PCDH15: variants seen among roughly 807,000 people sequenced by gnomAD.
PCDH15 encodes protocadherin-15.
Under a neutral mutation model 178.5 loss-of-function variants are expected in PCDH15, and 129 were observed. The observed-to-expected ratio is 0.72, with a 90% CI of 0.63 to 0.84. The LOEUF (loss-of-function observed/expected upper bound fraction) is 0.84. PCDH15 is among the 40% of genes least tolerant of loss of function. The probability of loss-of-function intolerance (pLI) is 0.00; values close to 1 mark genes in which losing one functional copy is unlikely to be tolerated. For synonymous variants in PCDH15, 800 were observed against 732.0 expected, an observed-to-expected ratio of 1.09 and a Z score of -1.50; for missense variants, 2,230 against 2,099.9, an observed-to-expected ratio of 1.06 and a Z score of -1.21.
At chr10:53,908,410 G>A (rs1479386964) in intron 25 of PCDH15, among the ~76,000 whole-genome samples, 4 of 152,164 alleles carry the variant, frequency 2.6e-5, no homozygotes, top group Admixed American at 2.6e-4. Context: ...CCATCTGCAT[G>A]CACATGCCTT....
At chr10:55,160,198 G>A (rs1250977945) in intron 2 of PCDH15, among the ~76,000 whole-genome samples, 1 of 151,950 alleles carries the variant, frequency 6.6e-6, no homozygotes, top group African/African-American at 2.4e-5. Flanking sequence ...GAAAGCTTTC[G>A]TACAGATTTT....
chr10:54,602,623 G>C (rs1226462882), intron 2 of PCDH15, among the ~76,000 whole-genome samples: 2 of 151,898 alleles, frequency 1.3e-5, no homozygotes, highest in African/African-American at 4.8e-5. Flanking sequence ...CTATTATTGT[G>C]ATGAGGTAGG....
chr10:54,893,435 T>C (rs1485064677), intron 3 of PCDH15, among the ~76,000 whole-genome samples: 1 of 152,100 alleles, frequency 6.6e-6, no homozygotes, highest in Non-Finnish European at 1.5e-5. Context: ...TGTAAATTAT[T>C]TGTGTGAGGT....
intron 3 of PCDH15, among the ~76,000 whole-genome samples, chr10:54,812,458 T>C (rs1398425698): frequency 6.6e-6 from 1 of 150,998 alleles, no homozygotes; most frequent in Non-Finnish European, 1.5e-5. Context: ...GTTGGTTTGT[T>C]CTGTTTTGTT....
intron 2 of PCDH15, among the ~76,000 whole-genome samples, chr10:54,968,770 C>T (rs1021748690): frequency 7.9e-5 from 12 of 152,064 alleles, no homozygotes; most frequent in Non-Finnish European, 1.5e-4. Flanking sequence ...TTGACATTGT[C>T]CCATAGCTCA....
intron 3 of PCDH15, among the ~76,000 whole-genome samples, chr10:54,469,795 GT>G (rs1282909609): frequency 6.6e-5 from 10 of 152,096 alleles, no homozygotes; most frequent in Non-Finnish European, 1.0e-4. Flanking sequence ...GTAGTGGAGG[GT>G]CAATCCTCTG....
chr10:54,122,157 C>G (rs1035474552), intron 15 of PCDH15, among the ~76,000 whole-genome samples: 1 of 151,822 alleles, frequency 6.6e-6, no homozygotes, highest in Non-Finnish European at 1.5e-5. Flanking sequence ...ATTTAATTTA[C>G]GATGATCAGG....
chr10:53,935,722 A>G (rs576754699), intron 25 of PCDH15, among the ~76,000 whole-genome samples: 52 of 152,260 alleles, frequency 3.4e-4, no homozygotes, highest in African/African-American at 1.2e-3. Flanking sequence ...TCAACTCATT[A>G]TTTTGAAAAT....
intron 2 of PCDH15, among the ~76,000 whole-genome samples, chr10:55,341,795 ATATATATATATTTTTTTTTTTTT>A (rs1403502838): frequency 3.2e-3 from 36 of 11,236 alleles, no homozygotes; most frequent in Admixed American, 6.5e-3. Flanking sequence ...ATATATATAT[ATATATATATATTTTTTTTTTTTT>A]TTTTTTTTTT....
At chr10:53,889,069 C>A (rs1589265582) in intron 26 of PCDH15, among the ~76,000 whole-genome samples, 1 of 149,394 alleles carries the variant, frequency 6.7e-6, no homozygotes. Flanking sequence ...TCCAAACACA[C>A]AAAAAAATCC....
In PCDH15 at chr10:53,995,533, A is replaced by C. The variant is rs908941725; in HGVS notation, c.2868+116T>G. 7 of 1,583,226 alleles carry C rather than the reference A, an allele frequency of 4.4e-6. No individual in the cohort carries two copies. The African/African-American group carries it at 6.7e-5, about 15-fold the overall frequency. On this transcript the variant is annotated intron_variant, in intron 21 of 37. Coordinates refer to ENST00000644397, the MANE Select transcript of PCDH15 (RefSeq NM_001384140.1). The stretch of plus-strand genomic sequence containing the variant: ...AAGTAAAAGAACATAAAATGTATGA[A>C]TAAATAGGGTGAAATTTACAGAGAC...
chr10:55,160,467 T>C (rs891182763), intron 2 of PCDH15, among the ~76,000 whole-genome samples: 1 of 151,960 alleles, frequency 6.6e-6, no homozygotes, highest in African/African-American at 2.4e-5. Context: ...CCCAAAACTC[T>C]CGAAACTACT....
intron 1 of PCDH15, among the ~76,000 whole-genome samples, chr10:55,210,564 G>GA (rs10717504): frequency 2.8e-5 from 4 of 141,102 alleles, no homozygotes; most frequent in African/African-American, 7.9e-5. Context: ...TTTGCGGGGG[G>GA]AAAAAAAAGC....
chr10:54,444,597 C>A (rs2076033798), intron 3 of PCDH15, among the ~76,000 whole-genome samples: 1 of 151,640 alleles, frequency 6.6e-6, no homozygotes, highest in African/African-American at 2.4e-5. Flanking sequence ...GAGTACCTGA[C>A]AGACTGACCT....
chr10:53,871,806 T>A (rs2079883610), intron 26 of PCDH15, among the ~76,000 whole-genome samples: 1 of 151,904 alleles, frequency 6.6e-6, no homozygotes, highest in African/African-American at 2.4e-5. Context: ...CAGGCTGGAG[T>A]GCAATGGCTC....
intron 3 of PCDH15, among the ~76,000 whole-genome samples, chr10:54,419,781 T>C (rs1434272172): frequency 6.6e-6 from 1 of 152,000 alleles, no homozygotes; most frequent in Non-Finnish European, 1.5e-5. Flanking sequence ...AAAATGGCAA[T>C]TGGAGGGTGA....
At chr10:54,184,951 C>T (rs1460968259) in intron 12 of PCDH15, among the ~76,000 whole-genome samples, 183 bp downstream of exon 12, 1 of 150,956 alleles carries the variant, frequency 6.6e-6, no homozygotes, top group Admixed American at 6.6e-5. Flanking sequence ...ACACAAATTA[C>T]AAAAAAAGAG....
intron 2 of PCDH15, among the ~76,000 whole-genome samples, chr10:55,140,020 T>A (rs4144115): frequency 0.91 from 138,635 of 151,760 alleles, 63,800 homozygotes; most frequent in Non-Finnish European, 0.97. Flanking sequence ...AAGAATTTTC[T>A]TAGAATGATT....
chr10:55,177,762 G>T (rs1839534454), intron 1 of PCDH15, among the ~76,000 whole-genome samples: 1 of 152,104 alleles, frequency 6.6e-6, no homozygotes, highest in Admixed American at 6.6e-5. Context: ...AAAAGCTGGG[G>T]AACCTGAACA....
Sources: allele counts gnomAD v4.1 joint callset (sites outside exome capture counted in the v4.1 genomes callset), GRCh38; gene constraint gnomAD v4.1.1; transcripts MANE v1.5; gene names NCBI Gene and HGNC (gene_info 2026-07-23, HGNC 2026-07-21).